Variants in FAM153A observed in about 807,000 individuals in gnomAD.
The protein encoded by FAM153A is protein FAM153A.
Under a neutral mutation model 48.1 loss-of-function variants are expected in FAM153A, and 12 were observed. That is an observed-to-expected ratio of 0.25 (90% CI 0.16 to 0.40). FAM153A has a LOEUF of 0.40. Ranked by LOEUF, FAM153A falls within the 10% of genes least tolerant of loss-of-function variation. The pLI is 1.00. For missense variants in FAM153A, 111 were observed against 345.8 expected (o/e 0.32, Z 5.38); for synonymous variants, 36 against 118.2 (o/e 0.30, Z 4.51).
chr5:177,699,219 A>C, the FAM153A span, among the ~76,000 whole-genome samples: 10 of 151,846 alleles, frequency 6.6e-5, no homozygotes, highest in Admixed American at 1.3e-4. Flanking sequence ...TGATAGTTGT[A>C]AATGCCTATA....
chr5:177,755,164 T>C (rs1384495628), upstream of FAM153A, among the ~76,000 whole-genome samples: 2 of 151,858 alleles, frequency 1.3e-5, no homozygotes, highest in African/African-American at 4.9e-5. Flanking sequence ...CTGAAAACCA[T>C]GGCATGAGAA....
intron 16 of FAM153A, among the ~76,000 whole-genome samples, chr5:177,730,314 TC>T (rs2127621638): frequency 8.2e-6 from 1 of 122,010 alleles, no homozygotes; most frequent in Admixed American, 8.7e-5. Context: ...CCCGGCTAAT[TC>T]CCAAGTTGAG....
intron 1 of FAM153A, among the ~76,000 whole-genome samples, chr5:177,761,349 G>C (rs1219719700): frequency 1.3e-5 from 2 of 151,752 alleles, no homozygotes; most frequent in African/African-American, 2.4e-5. Context: ...GCCGGAAAAG[G>C]GCAGGCCATC....
the FAM153A span, among the ~76,000 whole-genome samples, chr5:177,699,976 G>T: frequency 6.6e-6 from 1 of 151,914 alleles, no homozygotes; most frequent in African/African-American, 2.4e-5. Context: ...CTAGTGAACT[G>T]AATCTAGCAA....
At position 177,734,901 on chromosome 5, in the gene FAM153A, TG is replaced by T; in HGVS notation, c.696del (p.Ser233ValfsTer12). 6.5e-7 allele frequency: 1 copy of T among 1,527,118 alleles called. No individual in the cohort carries two copies. Among genetic ancestry groups the T allele is most frequent in the Non-Finnish European group, 8.9e-7 (1 of 1,119,102 alleles). The allele number at this position is 1,527,118 out of a possible 1,614,324, so 94.6% of individuals were successfully genotyped here. A position where few individuals can be genotyped will look rare whatever the true frequency, so the allele number is the denominator to read the frequency against. ...GGGTCCTCCTCCTCACCGTTGTAAC[TG>T]GACAGCTCCTGAAGTACATCCCTGA... On this transcript the variant is annotated frameshift_variant, in exon 13 of 21. Transcript: ENST00000614127. LOFTEE classifies it high-confidence loss of function.
downstream of FAM153A, among the ~76,000 whole-genome samples, chr5:177,708,726 CGGTAT>C (rs1758080435): frequency 6.6e-6 from 1 of 151,750 alleles, no homozygotes; most frequent in Non-Finnish European, 1.5e-5. Context: ...TCTGGAAAGA[CGGTAT>C]TGGCAAGTGG....
At chr5:177,768,375 G>A (rs1238889995) in intron 1 of FAM153A, among the ~76,000 whole-genome samples, 2 of 151,954 alleles carry the variant, frequency 1.3e-5, no homozygotes, top group Non-Finnish European at 2.9e-5. Flanking sequence ...TTTGGTGACT[G>A]ACAACCTTCA....
At chr5:177,701,958 A>G in the FAM153A span, among the ~76,000 whole-genome samples, 2 of 149,818 alleles carry the variant, frequency 1.3e-5, 1 homozygote, top group South Asian at 4.2e-4. Flanking sequence ...CCCAGGCGGG[A>G]GTGCAGTGGC....
At chr5:177,728,752 C>A (rs550547084) in intron 18 of FAM153A, among the ~76,000 whole-genome samples, 116 of 149,426 alleles carry the variant, frequency 7.8e-4, no homozygotes, top group African/African-American at 1.3e-3. Flanking sequence ...TTTTTAGGAG[C>A]GATGGGGTTT....
At chr5:177,716,068 C>G (rs1412136407) in intron 25 of FAM153A, among the ~76,000 whole-genome samples, 2 of 151,348 alleles carry the variant, frequency 1.3e-5, no homozygotes, top group Non-Finnish European at 2.9e-5. Context: ...ACTGTAGCCC[C>G]CACCTCCCAG....
At chr5:177,705,653 T>TTTTTC (rs869045933), downstream of FAM153A, among the ~76,000 whole-genome samples, 1 of 102,678 alleles carries the variant, frequency 9.7e-6, no homozygotes. Flanking sequence ...TTTCTTTTTC[T>TTTTTC]TTTTCTTTTT....
chr5:177,711,036 C>G (rs1002975705), downstream of FAM153A: 1 of 151,736 alleles, frequency 6.6e-6, no homozygotes, highest in Non-Finnish European at 1.5e-5. Context: ...AGAAAAAGTT[C>G]TGTTCAAATA....
At chr5:177,759,622 T>C (rs562852888) in intron 1 of FAM153A, among the ~76,000 whole-genome samples, 28 of 151,690 alleles carry the variant, frequency 1.8e-4, no homozygotes, top group African/African-American at 6.6e-4. Context: ...CACCATGGAA[T>C]ACTATGCAGC....
At chr5:177,758,871 C>T (rs7380884) in intron 1 of FAM153A, among the ~76,000 whole-genome samples, 11,467 of 149,834 alleles carry the variant, frequency 0.077, 581 homozygotes, top group Non-Finnish European at 0.09. Context: ...CCATAAAAAC[C>T]CTAGAAGAAA....
chr5:177,730,400 C>G lies in FAM153A; in HGVS notation c.863-845G>C, dbSNP rs1447610674. On this transcript the variant is annotated intron_variant, in intron 16 of 20. Transcript: ENST00000614127. Reference sequence around the variant, plus strand: ...AACTTCTAAGACTTGCGGTGGTTATCTCCTTAAATACAATAGAGTATGGCA... The same window carrying G: ...AACTTCTAAGACTTGCGGTGGTTATGTCCTTAAATACAATAGAGTATGGCA... 1.6e-5 allele frequency among the ~76,000 whole-genome samples: 2 copies of G among 121,632 alleles called. 1 individual carries two copies. The highest frequency in any genetic ancestry group is 5.9e-4 in the East Asian group (2 of 3,400). The allele number at this position is 121,632 out of a possible 152,430, so 79.8% of individuals were successfully genotyped here.
intron 1 of FAM153A, among the ~76,000 whole-genome samples, chr5:177,764,093 AC>A (rs1451958888): frequency 6.9e-6 from 1 of 144,832 alleles, no homozygotes; most frequent in Non-Finnish European, 1.5e-5. Flanking sequence ...CAGCTGTGGC[AC>A]CGGGGACGAT....
At chr5:177,753,967 T>A (rs1235880686), upstream of FAM153A, among the ~76,000 whole-genome samples, 2 of 151,886 alleles carry the variant, frequency 1.3e-5, no homozygotes, top group Non-Finnish European at 2.9e-5. Flanking sequence ...CTCACCTCAT[T>A]GGGGATTGTC....
chr5:177,783,127 T>A (rs1395566184), upstream of FAM153A, among the ~76,000 whole-genome samples: 1 of 104,614 alleles, frequency 9.6e-6, no homozygotes, highest in Non-Finnish European at 2.0e-5. Context: ...TGGTGTCAGG[T>A]AGCGGAAGAC....
At chr5:177,698,598 A>AC in the FAM153A span, among the ~76,000 whole-genome samples, 2 of 151,966 alleles carry the variant, frequency 1.3e-5, no homozygotes, top group Non-Finnish European at 2.9e-5. Context: ...ATAGTTAAAT[A>AC]CTAAGTTATT....
Sources: allele counts gnomAD v4.1 joint callset (sites outside exome capture counted in the v4.1 genomes callset), GRCh38; gene constraint gnomAD v4.1.1; transcripts MANE v1.5; gene names NCBI Gene and HGNC (gene_info 2026-07-23, HGNC 2026-07-21).